TNC: variants seen among roughly 807,000 people sequenced by gnomAD.
TNC encodes the protein tenascin C.
A neutral mutation model predicts 202.4 loss-of-function variants in TNC; 109 were observed. The ratio of observed to expected loss-of-function variants is 0.54; its 90% CI spans 0.46 to 0.63. TNC has a LOEUF of 0.63. TNC is among the 30% of genes least tolerant of loss of function. The pLI is 0.00. For synonymous variants in TNC, 1,007 were observed against 1,089.7 expected (o/e 0.92, Z 1.50); for missense variants, 2,756 against 2,833.3 (o/e 0.97, Z 0.62).
Position 115,038,293 on chromosome 9 carries a change from T to A in TNC, c.5480A>T (p.Asp1827Val), listed in dbSNP as rs201666999. ...GCCTGTGTAGGAGATGACATAACTG[T>A]CCACAGTGGCAATGGCTGGCTGCCA... is the stretch of plus-strand genomic sequence containing the variant. ...ARWQPAIATV[D>V]SYVISYTGEK... The change falls in exon 20 of 28, where the codon GAC becomes GTC. Residue 1827 changes from aspartate to valine, a missense_variant. Asp to Val is a radical substitution (Grantham distance 152). Around this residue, in one of 2 missense-constraint regions of TNC, gnomAD observed 2,559 missense variants for 2,546.0 expected, o/e 1.01. Coordinates refer to ENST00000350763, the MANE Select transcript of TNC (RefSeq NM_002160.4). The A allele has an allele frequency of 2.4e-5, 39 of 1,613,964 alleles. No individual in the cohort carries two copies. The highest frequency in any genetic ancestry group is 3.3e-5 in the Admixed American group (2 of 60,012).
chr9:115,102,398 A>G (rs2480932), intron 1 of TNC, among the ~76,000 whole-genome samples: 89,959 of 152,068 alleles, frequency 0.59, 27,009 homozygotes, highest in African/African-American at 0.69. Context: ...TGACAGATAC[A>G]TTTGGGATGC....
chr9:115,032,906 A>C (rs1020288340), intron 22 of TNC, among the ~76,000 whole-genome samples: 1 of 152,134 alleles, frequency 6.6e-6, no homozygotes, highest in Non-Finnish European at 1.5e-5. Flanking sequence ...AATTCTTTTC[A>C]GCAAATGACC....
At chr9:115,062,674 CTATA>C (rs751326972) in intron 13 of TNC, among the ~76,000 whole-genome samples, 3 of 150,240 alleles carry the variant, frequency 2.0e-5, no homozygotes, top group Non-Finnish European at 4.4e-5. Flanking sequence ...CACACACACA[CTATA>C]TATATAAGTA....
At chr9:115,065,062 G>T (rs948188468) in intron 10 of TNC, 143 bp from the exon 11 acceptor site, 17 of 875,240 alleles carry the variant, frequency 1.9e-5, no homozygotes, top group Non-Finnish European at 2.8e-5. Context: ...TCCCCTACTG[G>T]TGCTGTCCCT....
rs150548325 is a variant in TNC, at chr9:115,086,482, G to A, written c.1249C>T (p.Arg417Cys). ...CACACACACTGCCCATTGACACAGC[G>A]GCCATGGCCACTGCAGCCATTGGGA... ...KCPNGCSGHG[R>C]CVNGQCVCDE... The change falls in exon 3 of 28, where the codon CGC becomes TGC. Residue 417 changes from arginine (R) to cysteine (C), a missense_variant. Physicochemically the swap from Arg to Cys is radical, Grantham distance 180. Transcript: ENST00000350763. 3.0e-4 allele frequency: 491 copies of A among 1,613,688 alleles called. 1 individual carries two copies. The highest frequency in any genetic ancestry group is 3.9e-4 in the Non-Finnish European group (457 of 1,180,030).
intron 1 of TNC, among the ~76,000 whole-genome samples, chr9:115,091,654 C>G (rs536148936): frequency 6.6e-6 from 1 of 152,206 alleles, no homozygotes; most frequent in East Asian, 1.9e-4. Flanking sequence ...GTAACTCTTG[C>G]CTCTTATTGA....
In TNC at chr9:115,077,606, G is replaced by A. The variant is rs561768874; in HGVS notation, c.2674+337C>T. Reference sequence around the variant, plus strand: ...ATAATGCCGTAGGCTAAAGTGTTAGGAGGCTCATTTGTCATATATGTTTTC... The same window carrying A: ...ATAATGCCGTAGGCTAAAGTGTTAGAAGGCTCATTTGTCATATATGTTTTC... On this transcript the variant is annotated intron_variant, in intron 7 of 27. Transcript: ENST00000350763. 3.7e-4 allele frequency among the ~76,000 whole-genome samples: 56 copies of A among 152,330 alleles called. 1 individual carries two copies. The South Asian group carries it at 0.012, about 32-fold the overall frequency.
intron 17 of TNC, among the ~76,000 whole-genome samples, chr9:115,045,853 A>G (rs752498063): frequency 6.6e-5 from 10 of 152,104 alleles, no homozygotes; most frequent in Non-Finnish European, 1.5e-4. Flanking sequence ...TCTCTCCTTT[A>G]TCCTTGCTGA....
rs1834756801 is a variant in TNC at position 115,086,569 on chromosome 9, C to T, written c.1162G>A (p.Val388Ile). The T allele has an allele frequency of 6.2e-7, 1 of 1,614,042 alleles. No homozygotes were observed. Among genetic ancestry groups the T allele is most frequent in the South Asian group, 1.1e-5 (1 of 91,090 alleles). Residue 388 changes from valine to isoleucine, a missense_variant, in exon 3 of 28, where the codon GTA becomes ATA. Coordinates refer to ENST00000350763, the MANE Select transcript of TNC (RefSeq NM_002160.4). ...PADCHNRGRC[V>I]DGRCECDDGF... ...TCATCACACTCACACCGCCCGTCTA[C>T]ACAGCGGCCACGATTGTGACAGTCA...
chr9:115,041,509 A>G (rs1024514592), intron 18 of TNC, among the ~76,000 whole-genome samples: 3 of 152,126 alleles, frequency 2.0e-5, no homozygotes, highest in African/African-American at 7.2e-5. Context: ...AATTCTACTT[A>G]AGAAAAGAAA....
chr9:115,111,095 T>C (rs891000962), intron 1 of TNC, among the ~76,000 whole-genome samples: 15 of 151,994 alleles, frequency 9.9e-5, no homozygotes, highest in South Asian at 2.1e-4. Context: ...TCTCGATCAA[T>C]TTTTTTATTA....
In TNC at chr9:115,073,967, C is replaced by T. The variant is rs1016531088; in HGVS notation, c.2951-101G>A. On this transcript the variant is annotated intron_variant, in intron 9 of 27. Transcript: ENST00000350763. ...ATCTGGGCTGGAATCCTAGGTCTGC[C>T]ACAGAGGAGCTGAGGGACCACAGGA... is the stretch of plus-strand genomic sequence containing the variant. 2.3e-5 allele frequency: 29 copies of T among 1,256,660 alleles called. No homozygotes were observed. The African/African-American group carries it at 4.3e-4, about 19-fold the overall frequency. The allele number at this position is 1,256,660 out of a possible 1,614,324, so 77.8% of individuals were successfully genotyped here.
intron 21 of TNC, 178 bp downstream of exon 21, chr9:115,035,920 A>G (rs1172463021): frequency 1.5e-6 from 1 of 686,720 alleles, no homozygotes; most frequent in Non-Finnish European, 2.4e-6. Flanking sequence ...AAAAGGAAAT[A>G]GTGTGTTTCT....
rs371580892 is a variant in TNC at position 115,059,764 on chromosome 9, A to G, written c.4272T>C (p.Tyr1424=). The change falls in exon 14 of 28, where the codon TAT becomes TAC. Residue 1424 remains tyrosine, a synonymous_variant. Transcript: ENST00000350763. ...RVSIYGVIRG[Y]RTPVLSAEAS... ...CCTCAGCAGAGAGTACTGGTGTTCTATAGCCCCGGATCACCCCATAGATGG... is the reference window on the plus strand; with the variant it reads ...CCTCAGCAGAGAGTACTGGTGTTCTGTAGCCCCGGATCACCCCATAGATGG... 5.0e-6 allele frequency: 8 copies of G among 1,613,122 alleles called. No homozygotes were observed. Among genetic ancestry groups the G allele is most frequent in the African/African-American group, 1.3e-5 (1 of 74,892 alleles).
chr9:115,035,994 C>T (rs2131812186), intron 21 of TNC, 104 bp downstream of exon 21: 2 of 1,380,756 alleles, frequency 1.4e-6, no homozygotes, highest in East Asian at 2.3e-5. Context: ...CATTGCAAGG[C>T]CCTGACTTAA....
At chr9:115,029,087 G>A (rs72758631) in intron 25 of TNC, among the ~76,000 whole-genome samples, 1 of 143,588 alleles carries the variant, frequency 7.0e-6, no homozygotes, top group Non-Finnish European at 1.5e-5. Context: ...CTGTGGCTTT[G>A]TGTTCTTTTT....
chr9:115,085,779 A>G (rs1834663035), intron 3 of TNC, 85 bp downstream of exon 3: 2 of 1,220,320 alleles, frequency 1.6e-6, no homozygotes, highest in Middle Eastern at 2.0e-4. Context: ...ATGAATGTTT[A>G]TATATATAAA....
chr9:115,034,084 A>G (rs1830138859), intron 22 of TNC, among the ~76,000 whole-genome samples: 1 of 152,222 alleles, frequency 6.6e-6, no homozygotes, highest in Non-Finnish European at 1.5e-5. Context: ...AACAGTCTAA[A>G]TGACTGCCCT....
rs1353331237 is a variant in TNC, at chr9:115,090,750, T to A, written c.269A>T (p.His90Leu). 6.2e-7 allele frequency: 1 copy of A among 1,614,128 alleles called. No homozygotes were observed. The highest frequency in any genetic ancestry group is 8.5e-7 in the Non-Finnish European group (1 of 1,180,050). ...AATCTGGTTTTCCCCATCCACTGTG[T>A]GCTCCTGAAAGCTTTCGCTGGGCTC... ...PSEPSESFQE[H>L]TVDGENQIVF... is the part of the protein sequence containing the mutation. Residue 90 changes from histidine (H) to leucine (L), a missense_variant, in exon 2 of 28, where the codon CAC becomes CTC. His to Leu is a moderately conservative substitution (Grantham distance 99). This residue lies in a region of TNC where 2,559 missense variants were observed against 2,546.0 expected (regional missense o/e 1.01). Transcript: ENST00000350763.
Sources: gnomAD v4.1 joint callset for allele counts (sites outside exome capture counted in the v4.1 genomes callset) on GRCh38, gnomAD v4.1.1 for gene constraint, gnomAD v4.1.1 regional missense constraint, MANE v1.5 for transcripts, NCBI Gene and HGNC (gene_info 2026-07-23, HGNC 2026-07-21) for gene names.